FIGN: variants seen among roughly 807,000 people sequenced by gnomAD.
The protein encoded by FIGN is fidgetin, microtubule severing factor.
A neutral mutation model predicts 51.3 loss-of-function variants in FIGN; 11 were observed. The ratio of observed to expected loss-of-function variants is 0.21; its 90% confidence interval spans 0.13 to 0.35. The LOEUF (loss-of-function observed/expected upper bound fraction) is 0.35, where lower values mean the gene tolerates loss of function less well. Among genes scored for constraint, FIGN ranks in the 10% least tolerant of loss-of-function variants. FIGN has a pLI of 1.00. For missense variants in FIGN, 857 were observed against 943.6 expected, an observed-to-expected ratio of 0.91 and a Z score of 1.20; for synonymous variants, 407 against 363.2, an observed-to-expected ratio of 1.12 and a Z score of -1.37.
chr2:163,719,680 T>A (rs1340775352), intron 2 of FIGN, among the ~76,000 whole-genome samples: 2 of 152,044 alleles, frequency 1.3e-5, no homozygotes, highest in Non-Finnish European at 2.9e-5. Flanking sequence ...ACCTGTGGGG[T>A]AGTGATGCAA....
At chr2:163,688,512 G>A (rs1300087106) in intron 2 of FIGN, among the ~76,000 whole-genome samples, 1 of 152,166 alleles carries the variant, frequency 6.6e-6, no homozygotes, top group Non-Finnish European at 1.5e-5. Context: ...CAAAAATCGA[G>A]AAATGTGTGT....
intron 2 of FIGN, among the ~76,000 whole-genome samples, chr2:163,629,710 T>C (rs551916132): frequency 3.9e-4 from 60 of 152,228 alleles, no homozygotes; most frequent in Non-Finnish European, 5.9e-4. Context: ...TGAATAGTTG[T>C]GGCAGAGACC....
At chr2:163,658,346 G>A (rs1255425059) in intron 2 of FIGN, among the ~76,000 whole-genome samples, 5 of 146,436 alleles carry the variant, frequency 3.4e-5, no homozygotes, top group East Asian at 2.0e-4. Context: ...AGTTATCAGC[G>A]AATCTTCTTA....
intron 2 of FIGN, among the ~76,000 whole-genome samples, chr2:163,727,462 C>G (rs1046386568): frequency 2.6e-5 from 4 of 151,922 alleles, no homozygotes; most frequent in Non-Finnish European, 5.9e-5. Context: ...TATTTCCCAG[C>G]TTTCTTTCAT....
intron 2 of FIGN, among the ~76,000 whole-genome samples, chr2:163,677,966 A>T (rs1044520053): frequency 6.6e-6 from 1 of 152,222 alleles, no homozygotes; most frequent in African/African-American, 2.4e-5. Flanking sequence ...TTTTAAGAAT[A>T]GTTTTAAATT....
chr2:163,689,347 T>C (rs1006780640), intron 2 of FIGN, among the ~76,000 whole-genome samples: 1 of 152,162 alleles, frequency 6.6e-6, no homozygotes, highest in Non-Finnish European at 1.5e-5. Context: ...ACCACATATA[T>C]TTGTTGATCT....
rs191838951 is a variant in FIGN, at chr2:163,663,871, A to G, written c.26-52065T>C. Among the ~76,000 whole-genome samples, 303 of 151,766 alleles carry G rather than the reference A, an allele frequency of 2.0e-3. 2 individuals carry two copies. The highest frequency in any genetic ancestry group is 6.7e-3 in the African/African-American group (277 of 41,432). ...CACTCCAGCCTGGGAAACAAGAACG[A>G]AACTCCATCTCCAAAAGAAAAGAAA... On this transcript the variant is annotated intron_variant, in intron 2 of 2. Coordinates refer to ENST00000333129, the MANE Select transcript of FIGN (RefSeq NM_018086.4).
intron 2 of FIGN, chr2:163,612,217 G>T (rs768704060): frequency 3.0e-5 from 19 of 626,032 alleles, no homozygotes; most frequent in Non-Finnish European, 3.8e-5. Context: ...CTTGCACATG[G>T]CAGTATTAAC....
intron 2 of FIGN, among the ~76,000 whole-genome samples, chr2:163,687,307 T>C (rs527324426): frequency 3.3e-5 from 5 of 152,272 alleles, no homozygotes; most frequent in African/African-American, 1.2e-4. Context: ...AAACAAAACC[T>C]TTCTCCAGAG....
At chr2:163,626,505 A>G (rs900025511) in intron 2 of FIGN, among the ~76,000 whole-genome samples, 3 of 152,150 alleles carry the variant, frequency 2.0e-5, no homozygotes, top group African/African-American at 7.2e-5. Context: ...TACAAAAGAG[A>G]CCACAAGATG....
chr2:163,611,395 G>C lies in FIGN; in HGVS notation c.437C>G (p.Ala146Gly). The change falls in exon 3 of 3, where the codon GCG becomes GGG. Residue 146 changes from alanine to glycine, a missense_variant. Physicochemically the swap from Ala to Gly is moderately conservative, Grantham distance 60 (BLOSUM62 0). This residue lies in a region of FIGN where 799 missense variants were observed against 849.5 expected (regional missense o/e 0.94). Transcript: ENST00000333129. ...TACCCCAGGAGAGCTTCCTATACTCGCAGAGACATCTGCTGGAGGGAGGGC... is the reference window on the plus strand; with the variant it reads ...TACCCCAGGAGAGCTTCCTATACTCCCAGAGACATCTGCTGGAGGGAGGGC... Reference protein sequence around the residue: ...SSALPPADVSASIGSSPGVAS... With the variant: ...SSALPPADVSGSIGSSPGVAS... 6.2e-7 allele frequency: 1 copy of C among 1,614,100 alleles called. No homozygotes were observed. The highest frequency in any genetic ancestry group is 8.5e-7 in the Non-Finnish European group (1 of 1,180,004).
chr2:163,686,050 G>C (rs1170568180), intron 2 of FIGN, among the ~76,000 whole-genome samples: 2 of 152,312 alleles, frequency 1.3e-5, no homozygotes, highest in African/African-American at 4.8e-5. Flanking sequence ...CCTTATAACA[G>C]TTTCTCAATC....
At chr2:163,624,008 G>C (rs536445737) in intron 2 of FIGN, among the ~76,000 whole-genome samples, 16 of 151,892 alleles carry the variant, frequency 1.1e-4, no homozygotes, top group African/African-American at 3.4e-4. Context: ...TCACTTAAAG[G>C]CTTTTTACAT....
chr2:163,671,633 C>T (rs986998329), intron 2 of FIGN, among the ~76,000 whole-genome samples: 3 of 152,148 alleles, frequency 2.0e-5, no homozygotes, highest in Non-Finnish European at 2.9e-5. Context: ...TAAACATTTT[C>T]CAGAAAGTAA....
chr2:163,658,590 A>G (rs932736776), intron 2 of FIGN, among the ~76,000 whole-genome samples: 1 of 152,180 alleles, frequency 6.6e-6, no homozygotes, highest in African/African-American at 2.4e-5. Context: ...GGGAGCAGGC[A>G]TCTGACATGG....
rs1691183248 is a variant in FIGN, at chr2:163,609,534, T to G, written c.*18A>C. ...TGTGTGCCAACATTCATTACATTTT[T>G]TTTTTCTAAAGAAGTTATCACTGAC... On this transcript the variant is annotated 3_prime_UTR_variant, in exon 3 of 3. Transcript: ENST00000333129. 2 of 1,588,600 alleles carry G rather than the reference T, an allele frequency of 1.3e-6. No homozygotes were observed. Among genetic ancestry groups the G allele is most frequent in the African/African-American group, 1.3e-5 (1 of 74,182 alleles).
chr2:163,659,160 T>C (rs1431213672), intron 2 of FIGN, among the ~76,000 whole-genome samples: 2 of 152,154 alleles, frequency 1.3e-5, no homozygotes, highest in Non-Finnish European at 2.9e-5. Context: ...TTCAGAAGAT[T>C]TACTTAAAAG....
At chr2:163,657,031 C>A (rs1355314196) in intron 2 of FIGN, among the ~76,000 whole-genome samples, 2 of 150,294 alleles carry the variant, frequency 1.3e-5, no homozygotes, top group Non-Finnish European at 2.9e-5. Context: ...ATAAGGCCAA[C>A]AGACTGAAAG....
intron 2 of FIGN, among the ~76,000 whole-genome samples, chr2:163,646,963 C>T (rs144141436): frequency 6.6e-5 from 10 of 152,324 alleles, no homozygotes; most frequent in African/African-American, 2.4e-4. Flanking sequence ...GCCACAGTTA[C>T]GGGAGCCCAG....
Sources: allele counts gnomAD v4.1 joint callset (sites outside exome capture counted in the v4.1 genomes callset), GRCh38; gene constraint gnomAD v4.1.1; regional missense constraint gnomAD v4.1.1; transcripts MANE v1.5; gene names NCBI Gene and HGNC (gene_info 2026-07-23, HGNC 2026-07-21).